Variants in NRG1 observed in about 807,000 individuals in gnomAD.
NRG1 encodes the protein pro-neuregulin-1, membrane-bound isoform.
A neutral mutation model predicts 63.8 loss-of-function variants in NRG1; 18 were observed. The observed-to-expected ratio is 0.28, with a 90% confidence interval of 0.19 to 0.42. The LOEUF is 0.42. Among genes scored for constraint, NRG1 ranks in the 10% least tolerant of loss-of-function variants. NRG1 has a pLI of 1.00. For missense variants in NRG1, 762 were observed against 814.7 expected, an observed-to-expected ratio of 0.94 and a Z score of 0.79; for synonymous variants, 302 against 301.3, an observed-to-expected ratio of 1.00 and a Z score of -0.02.
intron 5 of NRG1, among the ~76,000 whole-genome samples, chr8:32,675,434 C>T (rs575469869): frequency 1.3e-5 from 2 of 152,324 alleles, no homozygotes; most frequent in South Asian, 4.1e-4. Context: ...GTCAATCTGA[C>T]TTTTCATTAA....
chr8:31,974,360 G>A (rs993459166), intron 1 of NRG1, among the ~76,000 whole-genome samples: 2 of 151,974 alleles, frequency 1.3e-5, no homozygotes, highest in East Asian at 3.9e-4. Flanking sequence ...TGTAGAGATA[G>A]TATTTACCTA....
intron 1 of NRG1, among the ~76,000 whole-genome samples, chr8:32,508,853 A>C (rs2129499543): frequency 6.6e-6 from 1 of 151,942 alleles, no homozygotes; most frequent in East Asian, 2.0e-4. Context: ...CTCAGGCCTC[A>C]GCTTCCTGAG....
intron 1 of NRG1, among the ~76,000 whole-genome samples, chr8:32,141,696 A>G (rs926859682): frequency 2.0e-5 from 3 of 149,126 alleles, no homozygotes; most frequent in Admixed American, 2.0e-4. Context: ...TAATATCTGA[A>G]TAACATTTGA....
intron 1 of NRG1, among the ~76,000 whole-genome samples, chr8:31,683,806 A>G (rs1362400917): frequency 1.3e-5 from 2 of 152,078 alleles, no homozygotes; most frequent in African/African-American, 4.8e-5. Context: ...CAGGGGCTAT[A>G]TGGGAACTCT....
chr8:32,701,715 A>G (rs56262655), intron 5 of NRG1, among the ~76,000 whole-genome samples: 44 of 152,364 alleles, frequency 2.9e-4, no homozygotes, highest in South Asian at 1.2e-3. Flanking sequence ...TAGATTATAG[A>G]TCAATTATCA....
At chr8:32,659,257 C>A (rs1349873849) in intron 5 of NRG1, among the ~76,000 whole-genome samples, 1 of 151,702 alleles carries the variant, frequency 6.6e-6, no homozygotes, top group Admixed American at 6.6e-5. Flanking sequence ...CATTCTCCTG[C>A]CTCATTCTCC....
chr8:32,615,433 C>T (rs1847177202), intron 4 of NRG1, among the ~76,000 whole-genome samples: 1 of 152,084 alleles, frequency 6.6e-6, no homozygotes, highest in Non-Finnish European at 1.5e-5. Flanking sequence ...TCACAATAAA[C>T]TTGTGAAACA....
chr8:32,008,631 G>C (rs141138547), intron 1 of NRG1, among the ~76,000 whole-genome samples: 1 of 152,068 alleles, frequency 6.6e-6, no homozygotes, highest in African/African-American at 2.4e-5. Context: ...TCGGTGACTC[G>C]TAATACAGAA....
intron 5 of NRG1, among the ~76,000 whole-genome samples, chr8:32,684,126 A>G (rs895745018): frequency 3.3e-5 from 5 of 152,308 alleles, no homozygotes; most frequent in Admixed American, 6.5e-5. Flanking sequence ...AGATCATGAC[A>G]CTGCACTCCA....
At chr8:31,742,656 A>G (rs10105528) in intron 1 of NRG1, among the ~76,000 whole-genome samples, 146,800 of 151,742 alleles carry the variant, frequency 0.97, 71,186 homozygotes, top group East Asian at 1. Flanking sequence ...ATTAATAATA[A>G]ATGTTTATTT....
At chr8:31,647,145 C>T (rs1050872151) in intron 1 of NRG1, among the ~76,000 whole-genome samples, 15 of 152,184 alleles carry the variant, frequency 9.9e-5, no homozygotes, top group African/African-American at 3.4e-4. Context: ...ATTTTGTGTT[C>T]TCCTTGGATC....
At chr8:32,084,278 G>T (rs1343712644) in intron 1 of NRG1, among the ~76,000 whole-genome samples, 1 of 151,904 alleles carries the variant, frequency 6.6e-6, no homozygotes, top group African/African-American at 2.4e-5. Flanking sequence ...ATCTCACAGA[G>T]TTTTTTTTGG....
chr8:32,084,982 A>G (rs187585704), intron 1 of NRG1, among the ~76,000 whole-genome samples: 13 of 152,332 alleles, frequency 8.5e-5, no homozygotes, highest in Non-Finnish European at 1.2e-4. Flanking sequence ...AAGATAGTGA[A>G]TGACATATAG....
intron 1 of NRG1, among the ~76,000 whole-genome samples, chr8:32,414,398 C>T (rs1815563896): frequency 6.6e-6 from 1 of 152,164 alleles, no homozygotes; most frequent in Admixed American, 6.5e-5. Flanking sequence ...TTAATGTTCC[C>T]ACATATCTCC....
At chr8:32,185,360 T>C (rs188682343) in intron 1 of NRG1, among the ~76,000 whole-genome samples, 67 of 152,322 alleles carry the variant, frequency 4.4e-4, no homozygotes, top group African/African-American at 1.5e-3. Flanking sequence ...CTCTGAATTC[T>C]TTCTTCCTTC....
intron 9 of NRG1, among the ~76,000 whole-genome samples, chr8:32,758,231 C>A (rs1167425574): frequency 6.6e-6 from 1 of 152,020 alleles, no homozygotes; most frequent in Non-Finnish European, 1.5e-5. Context: ...CAAAAAGGGG[C>A]CTCCCTCCCT....
chr8:31,874,159 A>G (rs190054169), intron 1 of NRG1, among the ~76,000 whole-genome samples: 1 of 152,344 alleles, frequency 6.6e-6, no homozygotes, highest in East Asian at 1.9e-4. Flanking sequence ...TTGCATGTCT[A>G]CAAATTCAGG....
At chr8:31,773,851 T>G (rs1818863587) in intron 1 of NRG1, among the ~76,000 whole-genome samples, 1 of 152,204 alleles carries the variant, frequency 6.6e-6, no homozygotes, top group East Asian at 1.9e-4. Context: ...TTTGTATATT[T>G]TATGCCATGT....
chr8:32,477,664 A>G (rs993961567), intron 1 of NRG1, among the ~76,000 whole-genome samples: 1 of 152,172 alleles, frequency 6.6e-6, no homozygotes, highest in African/African-American at 2.4e-5. Flanking sequence ...GACTTTTGGA[A>G]GTAGGTTAGA....
Sources: allele counts gnomAD v4.1 joint callset (sites outside exome capture counted in the v4.1 genomes callset), GRCh38; gene constraint gnomAD v4.1.1; transcripts MANE v1.5; gene names NCBI Gene and HGNC (gene_info 2026-07-23, HGNC 2026-07-21).